The following MCHR2 variants were observed in gnomAD, a reference collection of about 807,000 sequenced individuals.
The protein encoded by MCHR2 is melanin concentrating hormone receptor 2.
Under a neutral mutation model 24.8 loss-of-function variants are expected in MCHR2, and 15 were observed. That is an observed-to-expected ratio of 0.60 (90% CI 0.40 to 0.93). The LOEUF (loss-of-function observed/expected upper bound fraction) is 0.93. Ranked by LOEUF, MCHR2 falls within the 40% of genes least tolerant of loss-of-function variation. The probability of loss-of-function intolerance (pLI) is 0.00; values close to 1 mark genes in which losing one functional copy is unlikely to be tolerated. For missense variants in MCHR2, 386 were observed against 408.7 expected (o/e 0.94, Z 0.48); for synonymous variants, 151 against 147.6 (o/e 1.02, Z -0.17).
intron 1 of MCHR2, among the ~76,000 whole-genome samples, chr6:99,958,956 G>A (rs1775124682): frequency 6.6e-6 from 1 of 152,184 alleles, no homozygotes; most frequent in African/African-American, 2.4e-5. Flanking sequence ...TAGAACAAAA[G>A]AGCTGGGCAG....
chr6:99,947,188 C>A (rs1320594183), intron 3 of MCHR2, among the ~76,000 whole-genome samples: 2 of 152,134 alleles, frequency 1.3e-5, no homozygotes, highest in African/African-American at 4.8e-5. Flanking sequence ...TTTGTATTAA[C>A]CAATCACAAT....
chr6:99,966,878 C>T (rs1356095054), intron 1 of MCHR2, among the ~76,000 whole-genome samples: 2 of 151,990 alleles, frequency 1.3e-5, no homozygotes, highest in East Asian at 1.9e-4. Context: ...AAAACTCCCC[C>T]TAATTTTATA....
At chr6:99,926,334 C>T (rs11965100) in intron 5 of MCHR2, among the ~76,000 whole-genome samples, 105 of 152,238 alleles carry the variant, frequency 6.9e-4, no homozygotes, top group Non-Finnish European at 1.2e-3. Context: ...ATTTATAGTC[C>T]TTTGGGTATA....
intron 1 of MCHR2, among the ~76,000 whole-genome samples, chr6:99,974,984 C>A (rs1025300255): frequency 6.6e-6 from 1 of 152,210 alleles, no homozygotes; most frequent in Non-Finnish European, 1.5e-5. Context: ...TCTGCCCCTA[C>A]TGGGGGGTGC....
At chr6:99,974,668 G>T (rs1026355344) in intron 1 of MCHR2, among the ~76,000 whole-genome samples, 11 of 152,162 alleles carry the variant, frequency 7.2e-5, no homozygotes, top group Admixed American at 1.3e-4. Flanking sequence ...TTTCTGCTCT[G>T]TTTTTTCCCC....
At chr6:99,973,255 G>T (rs912488605) in intron 1 of MCHR2, among the ~76,000 whole-genome samples, 1 of 151,598 alleles carries the variant, frequency 6.6e-6, no homozygotes, top group African/African-American at 2.4e-5. Context: ...TCCTGTATTG[G>T]GTGCATATTT....
At chr6:99,968,578 A>G (rs55937565) in intron 1 of MCHR2, among the ~76,000 whole-genome samples, 23,567 of 152,042 alleles carry the variant, frequency 0.16, 1,966 homozygotes, top group African/African-American at 0.19. Flanking sequence ...GGTGATCATG[A>G]TGTAAAATTA....
intron 5 of MCHR2, among the ~76,000 whole-genome samples, chr6:99,931,249 G>C (rs1025770084): frequency 6.6e-6 from 1 of 152,166 alleles, no homozygotes; most frequent in Admixed American, 6.5e-5. Context: ...TGCCCCTACT[G>C]GGGGGTGCCT....
intron 4 of MCHR2, among the ~76,000 whole-genome samples, chr6:99,939,665 C>A (rs889124698): frequency 1.3e-5 from 2 of 150,762 alleles, no homozygotes; most frequent in African/African-American, 4.9e-5. Context: ...TAATTTTATC[C>A]AGGGGTTTCA....
At chr6:99,930,476 C>T (rs987654388) in intron 5 of MCHR2, among the ~76,000 whole-genome samples, 2 of 152,178 alleles carry the variant, frequency 1.3e-5, no homozygotes, top group Non-Finnish European at 2.9e-5. Flanking sequence ...TCAGGTACAC[C>T]AATCAGACGT....
chr6:99,928,480 G>A (rs1424460085), intron 5 of MCHR2, among the ~76,000 whole-genome samples: 1 of 152,024 alleles, frequency 6.6e-6, no homozygotes, highest in African/African-American at 2.4e-5. Flanking sequence ...ACTCTTTTTG[G>A]TTGGTAAGCT....
chr6:99,967,047 T>C (rs1163859925), intron 1 of MCHR2, among the ~76,000 whole-genome samples: 1 of 152,140 alleles, frequency 6.6e-6, no homozygotes, highest in Non-Finnish European at 1.5e-5. Context: ...CTTTTCAAAG[T>C]ATAAACTTTT....
At position 99,932,135 on chromosome 6, in the gene MCHR2, C is replaced by T. The variant is rs570007012; in HGVS notation, c.707+2263G>A. ...TTGAAGGGTATTTTTGCTGGATATA[C>T]TATTCTAGGGTATAAGTTTTTTTCC... On this transcript the variant is annotated intron_variant, in intron 5 of 5. Coordinates refer to ENST00000281806, the MANE Select transcript of MCHR2 (RefSeq NM_001040179.2). Among the ~76,000 whole-genome samples, 508 of 152,230 alleles carry T rather than the reference C, an allele frequency of 3.3e-3. 3 individuals carry two copies. The highest frequency in any genetic ancestry group is 0.012 in the African/African-American group (494 of 41,528).
chr6:99,929,416 CT>C (rs1005284719), intron 5 of MCHR2, among the ~76,000 whole-genome samples: 23 of 152,152 alleles, frequency 1.5e-4, no homozygotes, highest in African/African-American at 5.6e-4. Flanking sequence ...TCTCATTGAT[CT>C]GTCTAATGTT....
At chr6:99,986,346 T>C (rs572020098) in intron 1 of MCHR2, among the ~76,000 whole-genome samples, 2 of 152,224 alleles carry the variant, frequency 1.3e-5, no homozygotes, top group South Asian at 2.1e-4. Flanking sequence ...AAAGAAATCA[T>C]GTATCAAAAA....
chr6:99,951,955 G>A (rs187428468), intron 2 of MCHR2, among the ~76,000 whole-genome samples: 1 of 152,198 alleles, frequency 6.6e-6, no homozygotes, highest in African/African-American at 2.4e-5. Flanking sequence ...GGAGGATAGG[G>A]CACCTTTTAT....
chr6:99,989,174 C>T (rs545833825), intron 1 of MCHR2, among the ~76,000 whole-genome samples: 4 of 152,138 alleles, frequency 2.6e-5, no homozygotes, highest in African/African-American at 9.7e-5. Context: ...ATCATTTGAG[C>T]CCAGGAGTTT....
intron 2 of MCHR2, among the ~76,000 whole-genome samples, chr6:99,950,972 C>T (rs1441264193): frequency 6.6e-6 from 1 of 152,120 alleles, no homozygotes; most frequent in Non-Finnish European, 1.5e-5. Flanking sequence ...GTCAGAAGCA[C>T]CAGTGGGAAC....
At chr6:99,967,314 A>G (rs1775313144) in intron 1 of MCHR2, among the ~76,000 whole-genome samples, 1 of 152,174 alleles carries the variant, frequency 6.6e-6, no homozygotes, top group African/African-American at 2.4e-5. Context: ...AAGCAAAAGG[A>G]GAAATGCATT....
Sources: allele counts gnomAD v4.1 joint callset (sites outside exome capture counted in the v4.1 genomes callset), GRCh38; gene constraint gnomAD v4.1.1; transcripts MANE v1.5; gene names NCBI Gene and HGNC (gene_info 2026-07-23, HGNC 2026-07-21).